Variants in PIGX observed in about 807,000 individuals in gnomAD.
PIGX encodes GPI alpha-1,4-mannosyltransferase I, stabilizing subunit.
In PIGX, 24 loss-of-function variants were observed where a neutral mutation model predicts 28.7. The observed-to-expected ratio is 0.84, with a 90% CI of 0.60 to 1.17. The LOEUF (loss-of-function observed/expected upper bound fraction) is 1.17. Ranked by LOEUF, PIGX falls within the 50% of genes most tolerant of loss-of-function variation. The probability of loss-of-function intolerance (pLI) is 0.00; values close to 1 mark genes in which losing one functional copy is unlikely to be tolerated. For missense variants in PIGX, 305 were observed against 317.8 expected (o/e 0.96, Z 0.31); for synonymous variants, 127 against 121.0 (o/e 1.05, Z -0.33).
At chr3:196,725,622 C>T (rs1712489045) in intron 3 of PIGX, among the ~76,000 whole-genome samples, 1 of 152,114 alleles carries the variant, frequency 6.6e-6, no homozygotes, top group South Asian at 2.1e-4. Context: ...AGGTTCCTTT[C>T]AAGTATGTAG....
chr3:196,732,282 T>A (rs1419324452), intron 5 of PIGX, among the ~76,000 whole-genome samples: 1 of 83,610 alleles, frequency 1.2e-5, no homozygotes, highest in African/African-American at 5.3e-5. Context: ...TTTTTTTTTT[T>A]ATTTTATTTT....
Position 196,734,518 on chromosome 3 carries a change from G to C in PIGX, c.*616G>C, listed in dbSNP as rs750374402. 6.6e-6 allele frequency: 1 copy of C among 152,064 alleles called. No individual in the cohort carries two copies. Among genetic ancestry groups the C allele is most frequent in the East Asian group, 1.9e-4 (1 of 5,186 alleles). The allele number at this position is 152,064 out of a possible 1,614,324, so 9.4% of individuals were successfully genotyped here. A position where few individuals can be genotyped will look rare whatever the true frequency, so the allele number is the denominator to read the frequency against. ...GCGGAGGTTCCAGAGAGCCAAGATC[G>C]CACCACTGCACTACAGCCTGGGCGA... On this transcript the variant is annotated 3_prime_UTR_variant, in exon 6 of 6. Transcript: ENST00000392391.
At chr3:196,715,151 A>G (rs1303181360) in intron 1 of PIGX, among the ~76,000 whole-genome samples, 3 of 152,202 alleles carry the variant, frequency 2.0e-5, no homozygotes, top group African/African-American at 4.8e-5. Flanking sequence ...TACATATGGA[A>G]TTTGGGGATT....
intron 5 of PIGX, among the ~76,000 whole-genome samples, chr3:196,732,075 G>A (rs888962799): frequency 6.7e-6 from 1 of 149,292 alleles, no homozygotes; most frequent in Non-Finnish European, 1.5e-5. Context: ...ATCCACCCCC[G>A]TCAGCCTCCC....
intron 5 of PIGX, among the ~76,000 whole-genome samples, chr3:196,732,221 TATATATATATATATATATATATA>T (rs1712799457): frequency 1.7e-4 from 4 of 23,070 alleles, no homozygotes; most frequent in Non-Finnish European, 3.4e-4. Flanking sequence ...ATTATTTATA[TATATATATATATATATATATATA>T]TATATATATA....
chr3:196,722,819 A>G (rs1215443227), intron 3 of PIGX, among the ~76,000 whole-genome samples: 1 of 152,220 alleles, frequency 6.6e-6, no homozygotes, highest in South Asian at 2.1e-4. Context: ...ATGTCTTGAG[A>G]AAATTAATGA....
chr3:196,727,826 A>G, intron 3 of PIGX, 97 bp from the exon 4 acceptor site: 1 of 726,010 alleles, frequency 1.4e-6, no homozygotes, highest in East Asian at 2.7e-5. Context: ...CAAATTTGAC[A>G]CTGCTGTGTA....
intron 2 of PIGX, among the ~76,000 whole-genome samples, chr3:196,717,343 T>A (rs1712142513): frequency 6.6e-6 from 1 of 151,232 alleles, no homozygotes; most frequent in African/African-American, 2.4e-5. Context: ...TCAAAGTTAC[T>A]CAGTGATGGC....
At chr3:196,729,539 C>G (rs1287817565) in intron 4 of PIGX, among the ~76,000 whole-genome samples, 1 of 150,936 alleles carries the variant, frequency 6.6e-6, no homozygotes, top group African/African-American at 2.4e-5. Flanking sequence ...ACAGGCTGCG[C>G]CACCATGCCT....
In PIGX at chr3:196,719,289, TC is replaced by T. The variant is rs369792849; in HGVS notation, c.176+2369del. Reference sequence around the variant, plus strand: ...TCTTTGTTGCATCTAGTCTTCTCCTTCTTTTCTTGCCTTATTTTGGGTAAAT... The same window carrying T: ...TCTTTGTTGCATCTAGTCTTCTCCTTTTTTCTTGCCTTATTTTGGGTAAAT... On this transcript the variant is annotated intron_variant, in intron 2 of 5. Coordinates refer to ENST00000392391, the MANE Select transcript of PIGX (RefSeq NM_017861.4). Among the ~76,000 whole-genome samples the T allele has an allele frequency of 0.044, 6,765 of 152,124 alleles. 805 individuals are homozygous for T. In the East Asian group the frequency reaches 0.5, roughly 11 times the overall value.
At position 196,715,320 on chromosome 3, in the gene PIGX, G is replaced by A. The variant is rs115319907; in HGVS notation, c.113-1538G>A. 8.2e-3 allele frequency among the ~76,000 whole-genome samples: 1,244 copies of A among 152,218 alleles called. 18 individuals are homozygous for A. The highest frequency in any genetic ancestry group is 0.028 in the African/African-American group (1,181 of 41,522). ...AGTGTTGAAAGTGGAAGTATCTTAG[G>A]CTTTAAAAATCAGGCAAACCTTTCT... On this transcript the variant is annotated intron_variant, in intron 1 of 5. Transcript: ENST00000392391.
At chr3:196,730,971 A>G in intron 4 of PIGX, 21 bp from the exon 5 acceptor site, 1 of 1,481,436 alleles carries the variant, frequency 6.8e-7, no homozygotes. Flanking sequence ...TTCTGACATC[A>G]TTTTCTACCA....
At chr3:196,719,258 T>G (rs1712215593) in intron 2 of PIGX, among the ~76,000 whole-genome samples, 1 of 151,648 alleles carries the variant, frequency 6.6e-6, no homozygotes, top group Non-Finnish European at 1.5e-5. Flanking sequence ...TATCTATTTG[T>G]TTTTCTCTTT....
At chr3:196,728,556 GT>G (rs1560078875) in intron 4 of PIGX, 1 of 642,056 alleles carries the variant, frequency 1.6e-6, no homozygotes, top group African/African-American at 1.8e-5. Flanking sequence ...GTCTCTTAAT[GT>G]ACAGGTTTCT....
intron 5 of PIGX, among the ~76,000 whole-genome samples, chr3:196,732,796 C>T (rs1012822786): frequency 1.3e-5 from 2 of 152,096 alleles, no homozygotes. Context: ...AAGTTACGTA[C>T]ATTTTAATGT....
intron 4 of PIGX, chr3:196,728,844 C>CA: frequency 5.5e-6 from 4 of 733,816 alleles, no homozygotes; most frequent in Non-Finnish European, 1.0e-5. Flanking sequence ...TCCACATTAC[C>CA]CCTCTGTTGC....
rs990147087 is a variant in PIGX, at chr3:196,730,057, A to G, written c.533-935A>G. Among the ~76,000 whole-genome samples the G allele has an allele frequency of 5.3e-5, 8 of 151,054 alleles. No homozygotes were observed. The East Asian group carries it at 1.6e-3, about 30-fold the overall frequency. The stretch of plus-strand genomic sequence containing the variant: ...TGCAGTCCAGCCTGGGAGACAGAGC[A>G]AGACTGTCTCAAAAAAAAAAAAAAA... On this transcript the variant is annotated intron_variant, in intron 4 of 5. Coordinates refer to ENST00000392391, the MANE Select transcript of PIGX (RefSeq NM_017861.4).
intron 1 of PIGX, among the ~76,000 whole-genome samples, chr3:196,714,793 C>T (rs1712020903): frequency 6.6e-6 from 1 of 152,164 alleles, no homozygotes; most frequent in South Asian, 2.1e-4. Flanking sequence ...CAGAGCCTTG[C>T]TCGGCTGGGC....
At chr3:196,717,908 T>C (rs1712164412) in intron 2 of PIGX, 1 of 152,242 alleles carries the variant, frequency 6.6e-6, no homozygotes, top group South Asian at 2.1e-4. Context: ...TAAAAAGGTG[T>C]GGAAACTGTT....
Sources: gnomAD v4.1 joint callset for allele counts (sites outside exome capture counted in the v4.1 genomes callset) on GRCh38, gnomAD v4.1.1 for gene constraint, MANE v1.5 for transcripts, NCBI Gene and HGNC (gene_info 2026-07-23, HGNC 2026-07-21) for gene names.